The following AP3B2 variants were observed in gnomAD, a reference collection of about 807,000 sequenced individuals.
AP3B2 encodes the protein adaptor related protein complex 3 subunit beta 2, also known as AP-3 complex subunit beta-2.
Under a neutral mutation model 126.9 loss-of-function variants are expected in AP3B2, and 50 were observed. That is an observed-to-expected ratio of 0.39 (90% CI 0.31 to 0.50). The LOEUF (loss-of-function observed/expected upper bound fraction) is 0.50. Among genes scored for constraint, AP3B2 ranks in the 20% least tolerant of loss-of-function variants. AP3B2 has a pLI of 0.79. For synonymous variants in AP3B2, 541 were observed against 565.0 expected (o/e 0.96, Z 0.60); for missense variants, 1,177 against 1,426.4 (o/e 0.83, Z 2.82).
At position 82,681,944 on chromosome 15, in the gene AP3B2, C is replaced by G. The variant is rs2048346301; in HGVS notation, c.361-364G>C. On this transcript the variant is annotated intron_variant, in intron 4 of 26. Transcript: ENST00000535359. This position sits in a 1 kb window ranked among gnomAD's most constrained non-coding sequence, Gnocchi z 4.0. ...GACCGCCCAGCAGATGCAAGCTGGT[C>G]TCCCTTCCGGAGTTCAACCTTACAC... Among the ~76,000 whole-genome samples, 1 of 151,940 alleles carries G rather than the reference C, an allele frequency of 6.6e-6. No individual in the cohort carries two copies. The highest frequency in any genetic ancestry group is 2.1e-4 in the South Asian group (1 of 4,830).
rs771334633 is a variant in AP3B2, at chr15:82,680,888, G to A, written c.720C>T (p.Ile240=). 3 of 1,613,946 alleles carry A rather than the reference G, an allele frequency of 1.9e-6. No individual in the cohort carries two copies. Among genetic ancestry groups the A allele is most frequent in the Admixed American group, 1.7e-5 (1 of 60,026 alleles). Residue 240 remains isoleucine, a synonymous_variant, in exon 7 of 27, where the codon ATC becomes ATT. Transcript: ENST00000535359. This position sits in a 1 kb window ranked among gnomAD's most constrained non-coding sequence, Gnocchi z 6.1. ...TGCGGGCGTAGCGGGTGAGCATGCT[G>A]ATGATGACCACCTGGCCCCACTCCT... ...DVEEWGQVVI[I]SMLTRYARTQ...
At chr15:82,694,460 A>C (rs1431075838) in intron 1 of AP3B2, among the ~76,000 whole-genome samples, 2 of 152,036 alleles carry the variant, frequency 1.3e-5, no homozygotes, top group East Asian at 3.9e-4. Flanking sequence ...CTGAGGCAGA[A>C]GGATTGCTTG....
rs569646880 is a variant in AP3B2, at chr15:82,663,048, C to T, written c.2604+79G>A. The T allele has an allele frequency of 2.7e-4, 395 of 1,484,200 alleles. No individual in the cohort carries two copies. In the Middle Eastern group the frequency reaches 3.6e-3, roughly 13 times the overall value. The allele number at this position is 1,484,200 out of a possible 1,614,324, so 91.9% of individuals were successfully genotyped here. ...TCACATCCTCCATCACACCCACCCCCCACACACATCCACACCATAGGATGC... is the reference window on the plus strand; with the variant it reads ...TCACATCCTCCATCACACCCACCCCTCACACACATCCACACCATAGGATGC... On this transcript the variant is annotated intron_variant, in intron 22 of 26. Coordinates refer to ENST00000535359, the MANE Select transcript of AP3B2 (RefSeq NM_001278512.2).
intron 14 of AP3B2, among the ~76,000 whole-genome samples, chr15:82,673,778 A>G (rs1214781573): frequency 1.3e-5 from 2 of 152,186 alleles, no homozygotes; most frequent in Non-Finnish European, 2.9e-5. Flanking sequence ...TATTACCTTT[A>G]GCATATTAAA....
At position 82,695,991 on chromosome 15, in the gene AP3B2, G is replaced by T. The variant is rs1323629660; in HGVS notation, c.114-6538C>A. On this transcript the variant is annotated intron_variant, in intron 1 of 26. Transcript: ENST00000535359. ...GCACTCTCTGGTGAGCGGTGTGTAT[G>T]AGAGTAGGAGAAACACACTTTGGGT... Among the ~76,000 whole-genome samples, 3 of 152,258 alleles carry T rather than the reference G, an allele frequency of 2.0e-5. No individual in the cohort carries two copies. In the East Asian group the frequency reaches 5.8e-4, roughly 29 times the overall value.
At position 82,680,159 on chromosome 15, in the gene AP3B2, G is replaced by A. The variant is rs920005637; in HGVS notation, c.1110+16C>T. 3.1e-6 allele frequency: 5 copies of A among 1,612,820 alleles called. No homozygotes were observed. The highest frequency in any genetic ancestry group is 4.2e-6 in the Non-Finnish European group (5 of 1,179,778). On this transcript the variant is annotated intron_variant, in intron 9 of 26. Transcript: ENST00000535359. This position sits in a 1 kb window ranked among gnomAD's most constrained non-coding sequence, Gnocchi z 6.1. ...GGCCCTCGGACAGCGAGGACAGCCC[G>A]CCGTCGCAGGCTCACCCGGCGCTTG...
Position 82,664,077 on chromosome 15 carries a change from C to G in AP3B2, c.2262-102G>C. 1 of 1,474,538 alleles carries G rather than the reference C, an allele frequency of 6.8e-7. No individual in the cohort carries two copies. Among genetic ancestry groups the G allele is most frequent in the Non-Finnish European group, 9.0e-7 (1 of 1,115,076 alleles). The allele number at this position is 1,474,538 out of a possible 1,614,324, so 91.3% of individuals were successfully genotyped here. A position where few individuals can be genotyped will look rare whatever the true frequency, so the allele number is the denominator to read the frequency against. ...GAAAAGCTGGAGTGGTGTGGGGAGC[C>G]TGAGCCAGGAGGGTTCACACCTGAG... On this transcript the variant is annotated intron_variant, in intron 19 of 26. Coordinates refer to ENST00000535359, the MANE Select transcript of AP3B2 (RefSeq NM_001278512.2). The surrounding 1 kb of genome is among the most constrained non-coding windows in gnomAD (Gnocchi z 4.5).
rs1311728393 is a variant in AP3B2, at chr15:82,659,883, G to C, written c.3117C>G (p.Asn1039Lys). Reference sequence around the variant, plus strand: ...ATGTCCCACAAGGAACACGACCCAGGTTGGCAGTGGCAGTCACTTTCTGCA... The same window carrying C: ...ATGTCCCACAAGGAACACGACCCAGCTTGGCAGTGGCAGTCACTTTCTGCA... ...IVVQKVTATA[N>K]LGRVPCGTSD... Residue 1039 changes from asparagine (N) to lysine (K), a missense_variant, in exon 26 of 27, where the codon AAC (asparagine) becomes AAG (lysine). Coordinates refer to ENST00000535359, the MANE Select transcript of AP3B2 (RefSeq NM_001278512.2). The C allele has an allele frequency of 1.2e-6, 2 of 1,613,998 alleles. No homozygotes were observed. Among genetic ancestry groups the C allele is most frequent in the Non-Finnish European group, 1.7e-6 (2 of 1,179,890 alleles).
In AP3B2 at chr15:82,681,374, T is replaced by G. The variant is rs780905587; in HGVS notation, c.521+46A>C. ...GAAAGGCCAGGGGTGGGTTGAGAAC[T>G]TAGGAACCAGCCTCCTGGGGAGCGT... On this transcript the variant is annotated intron_variant, in intron 5 of 26. Transcript: ENST00000535359. This position sits in a 1 kb window ranked among gnomAD's most constrained non-coding sequence, Gnocchi z 4.0. 6 of 1,605,764 alleles carry G rather than the reference T, an allele frequency of 3.7e-6. No individual in the cohort carries two copies. The highest frequency in any genetic ancestry group is 5.1e-6 in the Non-Finnish European group (6 of 1,175,450).
Position 82,681,637 on chromosome 15 carries a change from G to T in AP3B2, c.361-57C>A. 1 of 1,569,536 alleles carries T rather than the reference G, an allele frequency of 6.4e-7. No individual in the cohort carries two copies. The highest frequency in any genetic ancestry group is 1.2e-5 in the South Asian group (1 of 86,840). ...AGGGCACCAGGTGCCCTGATGGGGG[G>T]AGGCCACACCTTTGGAAGTCACTGT... On this transcript the variant is annotated intron_variant, in intron 4 of 26. Coordinates refer to ENST00000535359, the MANE Select transcript of AP3B2 (RefSeq NM_001278512.2). This position sits in a 1 kb window ranked among gnomAD's most constrained non-coding sequence, Gnocchi z 4.0.
chr15:82,669,001 C>T (rs2048104786), intron 14 of AP3B2, among the ~76,000 whole-genome samples: 1 of 152,210 alleles, frequency 6.6e-6, no homozygotes, highest in Admixed American at 6.5e-5. Flanking sequence ...ACACATTACA[C>T]ATGAGTAAGT....
At position 82,659,655 on chromosome 15, in the gene AP3B2, G is replaced by C; in HGVS notation, c.3211C>G (p.Arg1071Gly). The C allele has an allele frequency of 6.2e-7, 1 of 1,613,916 alleles. No individual in the cohort carries two copies. Among genetic ancestry groups the C allele is most frequent in the Non-Finnish European group, 8.5e-7 (1 of 1,179,870 alleles). ...GTCAGCTGGGCAGCTCCAGCTGGCC[G>C]GGCATCCAGGGTCAGCAGAACGAGG... is the stretch of plus-strand genomic sequence containing the variant. ...GSLVLLTLDA[R>G]PAGAAQLTVN... Residue 1071 changes from arginine to glycine, a missense_variant, in exon 27 of 27, where the codon CGG becomes GGG. This residue lies in a region of AP3B2 where 587 missense variants were observed against 571.3 expected (regional missense o/e 1.03). Coordinates refer to ENST00000535359, the MANE Select transcript of AP3B2 (RefSeq NM_001278512.2).
At chr15:82,694,698 AAAC>A (rs1192525468) in intron 1 of AP3B2, among the ~76,000 whole-genome samples, 2 of 152,086 alleles carry the variant, frequency 1.3e-5, no homozygotes, top group Non-Finnish European at 2.9e-5. Context: ...AAAAAAAAAA[AAAC>A]AAGAAGTACT....
At chr15:82,691,629 C>T in intron 1 of AP3B2, 1 of 1,000,018 alleles carries the variant, frequency 1.0e-6, no homozygotes, top group Non-Finnish European at 1.3e-6. Context: ...AAATAATTTC[C>T]TAAGACGCTA....
chr15:82,683,938 G>A (rs572758599), intron 4 of AP3B2, among the ~76,000 whole-genome samples: 3 of 152,156 alleles, frequency 2.0e-5, no homozygotes, highest in South Asian at 2.1e-4. Flanking sequence ...ATCTTTAAGC[G>A]GTAGGTATCA....
In AP3B2 at chr15:82,665,910, G is replaced by T. The variant is rs377590391; in HGVS notation, c.1853-335C>A. Among the ~76,000 whole-genome samples, 2 of 152,196 alleles carry T rather than the reference G, an allele frequency of 1.3e-5. No individual in the cohort carries two copies. The highest frequency in any genetic ancestry group is 2.9e-5 in the Non-Finnish European group (2 of 68,038). The stretch of plus-strand genomic sequence containing the variant: ...TCAGGCTCTGGACTCAGCAGGGAGG[G>T]ATGAACAGTCAGAGCATGAGTGTGT... On this transcript the variant is annotated intron_variant, in intron 15 of 26. Transcript: ENST00000535359. The surrounding 1 kb of genome is among the most constrained non-coding windows in gnomAD (Gnocchi z 4.4).
At chr15:82,707,110 T>C (rs2048808933) in intron 1 of AP3B2, among the ~76,000 whole-genome samples, 1 of 152,220 alleles carries the variant, frequency 6.6e-6, no homozygotes, top group Admixed American at 6.5e-5. Context: ...CCCGCCTCTA[T>C]ATAGTCCAAT....
Position 82,679,719 on chromosome 15 carries a change from C to T in AP3B2, c.1182+10G>A, listed in dbSNP as rs764000421. The T allele has an allele frequency of 1.2e-6, 2 of 1,612,268 alleles. No homozygotes were observed. The highest frequency in any genetic ancestry group is 1.7e-6 in the Non-Finnish European group (2 of 1,178,450). ...GCTGGGAAGCACATGCACTTCTGTC[C>T]CTCACTCACCTTCAGGATCTTAATC... On this transcript the variant is annotated intron_variant, in intron 10 of 26. Transcript: ENST00000535359.
At chr15:82,701,911 G>T (rs2048724791) in intron 1 of AP3B2, among the ~76,000 whole-genome samples, 1 of 152,140 alleles carries the variant, frequency 6.6e-6, no homozygotes. Flanking sequence ...CAATGGTCAT[G>T]ATTTTTTTCC....
Sources: allele counts gnomAD v4.1 joint callset (sites outside exome capture counted in the v4.1 genomes callset), GRCh38; gene constraint gnomAD v4.1.1; regional missense constraint gnomAD v4.1.1; non-coding constraint Gnocchi (gnomAD v3.1); transcripts MANE v1.5; gene names NCBI Gene and HGNC (gene_info 2026-07-23, HGNC 2026-07-21).